SPON1: variants seen among roughly 807,000 people sequenced by gnomAD.
SPON1 encodes the protein spondin 1.
Under a neutral mutation model 111.7 loss-of-function variants are expected in SPON1, and 52 were observed. That is an observed-to-expected ratio of 0.47 (90% CI 0.37 to 0.59). The LOEUF (loss-of-function observed/expected upper bound fraction) is 0.59. Among genes scored for constraint, SPON1 ranks in the 20% least tolerant of loss-of-function variants. SPON1 has a pLI of 0.00. For missense variants in SPON1, 957 were observed against 1,068.5 expected (o/e 0.90, Z 1.46); for synonymous variants, 410 against 395.8 (o/e 1.04, Z -0.43).
At chr11:14,220,584 A>G (rs1429988645) in intron 6 of SPON1, among the ~76,000 whole-genome samples, 3 of 152,232 alleles carry the variant, frequency 2.0e-5, no homozygotes, top group African/African-American at 7.2e-5. Flanking sequence ...ATGACAAGCT[A>G]TAAACTCTGA....
chr11:14,261,451 G>A, intron 14 of SPON1, among the ~76,000 whole-genome samples: 1 of 152,224 alleles, frequency 6.6e-6, no homozygotes, highest in East Asian at 1.9e-4. Context: ...TTCAGCCGAT[G>A]ACTCAGCACC....
chr11:14,082,112 C>T (rs1000816922), intron 5 of SPON1, among the ~76,000 whole-genome samples: 2 of 152,054 alleles, frequency 1.3e-5, no homozygotes, highest in African/African-American at 4.8e-5. Flanking sequence ...CGTTACTCAT[C>T]TTTTGTGATC....
chr11:14,038,494 ACAACT>A (rs1160774114), intron 2 of SPON1, among the ~76,000 whole-genome samples: 10 of 152,252 alleles, frequency 6.6e-5, no homozygotes, highest in Admixed American at 2.0e-4. Context: ...AACAAAACAA[ACAACT>A]CAACATTAAG....
At chr11:14,008,300 C>T (rs547750019) in intron 2 of SPON1, among the ~76,000 whole-genome samples, 179 of 152,196 alleles carry the variant, frequency 1.2e-3, no homozygotes, top group African/African-American at 4.0e-3. Context: ...AACCAACCCC[C>T]GACAAATACC....
intron 2 of SPON1, among the ~76,000 whole-genome samples, chr11:14,011,851 G>A (rs1483696348): frequency 6.6e-6 from 1 of 152,102 alleles, no homozygotes; most frequent in African/African-American, 2.4e-5. Context: ...ATATGACATG[G>A]GCTTTGGAAT....
At chr11:14,246,976 C>G (rs541529309) in intron 7 of SPON1, among the ~76,000 whole-genome samples, 1 of 152,060 alleles carries the variant, frequency 6.6e-6, no homozygotes, top group South Asian at 2.1e-4. Context: ...CTGCAAAGGC[C>G]CTGTATGAGG....
At chr11:13,973,527 A>G (rs2133775819) in intron 1 of SPON1, among the ~76,000 whole-genome samples, 1 of 152,338 alleles carries the variant, frequency 6.6e-6, no homozygotes, top group Admixed American at 6.5e-5. Flanking sequence ...CGACGAGGTC[A>G]CACAATGGGG....
intron 2 of SPON1, 58 bp downstream of exon 2, chr11:13,983,011 G>C: frequency 8.1e-7 from 1 of 1,234,282 alleles, no homozygotes; most frequent in Non-Finnish European, 1.2e-6. Context: ...GTAGAGGCTG[G>C]AGAGGTACAA....
At chr11:14,020,200 C>A (rs1178726618) in intron 2 of SPON1, among the ~76,000 whole-genome samples, 1 of 152,136 alleles carries the variant, frequency 6.6e-6, no homozygotes, top group African/African-American at 2.4e-5. Flanking sequence ...GACTCCATGA[C>A]ATTCATAGGT....
intron 6 of SPON1, among the ~76,000 whole-genome samples, chr11:14,193,164 T>C (rs1350548348): frequency 6.6e-6 from 1 of 152,236 alleles, no homozygotes; most frequent in Non-Finnish European, 1.5e-5. Flanking sequence ...ATTATTTCAA[T>C]GGTGCCAAGG....
At chr11:14,183,732 G>A (rs782012670) in intron 6 of SPON1, among the ~76,000 whole-genome samples, 4 of 152,114 alleles carry the variant, frequency 2.6e-5, no homozygotes, top group Admixed American at 6.5e-5. Flanking sequence ...AAGTGCCCAA[G>A]GTCTCACAGC....
At chr11:14,022,535 T>G (rs1481562073) in intron 2 of SPON1, among the ~76,000 whole-genome samples, 3 of 152,200 alleles carry the variant, frequency 2.0e-5, no homozygotes, top group Admixed American at 1.3e-4. Flanking sequence ...TGTTCATTAG[T>G]ACAGTCGTGT....
At chr11:14,155,423 A>G (rs1465919388) in intron 6 of SPON1, among the ~76,000 whole-genome samples, 3 of 152,182 alleles carry the variant, frequency 2.0e-5, no homozygotes, top group Non-Finnish European at 2.9e-5. Context: ...GGTGAAGGGG[A>G]AACTGACATG....
intron 5 of SPON1, among the ~76,000 whole-genome samples, chr11:14,124,889 A>C (rs1369609976): frequency 6.6e-6 from 1 of 152,240 alleles, no homozygotes; most frequent in Non-Finnish European, 1.5e-5. Flanking sequence ...TAAGTGCAAG[A>C]GTTTTCCTGG....
chr11:14,080,963 G>A (rs1274417924), intron 5 of SPON1, among the ~76,000 whole-genome samples: 2 of 152,084 alleles, frequency 1.3e-5, no homozygotes, highest in African/African-American at 2.4e-5. Context: ...AGTCTTGCCT[G>A]TAGTCCTAGC....
intron 6 of SPON1, among the ~76,000 whole-genome samples, chr11:14,224,302 ACAGAGGAAGGGTGGCTAAG>A (rs1256414035): frequency 6.6e-6 from 1 of 152,126 alleles, no homozygotes; most frequent in African/African-American, 2.4e-5. Context: ...CCTTGGAAGC[ACAGAGGAAGGGTGGCTAAG>A]CTAAACCAAG....
In SPON1 at chr11:14,017,692, T is replaced by C. The variant is rs58091448; in HGVS notation, c.346-23829T>C. ...TGAGCCCTAGTTCAGGCATATTTCA[T>C]TGGGCACACTGTCTTTCCAAATATT... On this transcript the variant is annotated intron_variant, in intron 2 of 15. Transcript: ENST00000576479. 4.9e-3 allele frequency among the ~76,000 whole-genome samples: 753 copies of C among 152,326 alleles called. 8 individuals are homozygous for C. Among genetic ancestry groups the C allele is most frequent in the Non-Finnish European group, 6.1e-3 (416 of 68,034 alleles).
intron 6 of SPON1, among the ~76,000 whole-genome samples, chr11:14,190,443 G>C (rs1848332384): frequency 6.6e-6 from 1 of 151,892 alleles, no homozygotes; most frequent in South Asian, 2.1e-4. Flanking sequence ...AATCCATCCT[G>C]CCTCTTCTAT....
chr11:14,165,591 AT>A (rs1848020094), intron 6 of SPON1, among the ~76,000 whole-genome samples: 1 of 152,224 alleles, frequency 6.6e-6, no homozygotes. Flanking sequence ...ACAATTCCCA[AT>A]TTTAAAAGCA....
Sources: gnomAD v4.1 joint callset for allele counts (sites outside exome capture counted in the v4.1 genomes callset) on GRCh38, gnomAD v4.1.1 for gene constraint, MANE v1.5 for transcripts, NCBI Gene and HGNC (gene_info 2026-07-23, HGNC 2026-07-21) for gene names.